SHLD1: variants seen among roughly 807,000 people sequenced by gnomAD.
SHLD1 encodes shieldin complex subunit 1, also known as RINN1-REV7-interacting novel NHEJ regulator 3.
SHLD1 carries 3 observed loss-of-function variants against 5.5 expected under a neutral mutation model. That is an observed-to-expected ratio of 0.54 (90% CI 0.25 to 1.40). The LOEUF is 1.40. Among genes scored for constraint, SHLD1 ranks in the 40% most tolerant of loss-of-function variants. The pLI, the probability that SHLD1 is intolerant of heterozygous loss-of-function variation, is 0.15. For synonymous variants in SHLD1, 92 were observed against 94.3 expected (o/e 0.98, Z 0.14); for missense variants, 210 against 244.4 (o/e 0.86, Z 0.94).
At chr20:5,750,651 G>A (rs1324716220) in intron 1 of SHLD1, among the ~76,000 whole-genome samples, 172 bp downstream of exon 1, 1 of 152,038 alleles carries the variant, frequency 6.6e-6, no homozygotes, top group African/African-American at 2.4e-5. Flanking sequence ...TGCAGCCTGT[G>A]CTTTGGGGAA....
intron 2 of SHLD1, among the ~76,000 whole-genome samples, chr20:5,798,097 G>A (rs979518601): frequency 6.6e-6 from 1 of 152,148 alleles, no homozygotes; most frequent in African/African-American, 2.4e-5. Flanking sequence ...GGCTTGAATG[G>A]TCTGGAATGT....
rs183533078 is a variant in SHLD1, at chr20:5,756,287, A to C, written c.-5+5808A>C. Among the ~76,000 whole-genome samples, 18 of 151,652 alleles carry C rather than the reference A, an allele frequency of 1.2e-4. No homozygotes were observed. In the East Asian group the frequency reaches 3.3e-3, roughly 28 times the overall value. On this transcript the variant is annotated intron_variant, in intron 1 of 2. Transcript: ENST00000303142. The stretch of plus-strand genomic sequence containing the variant: ...GCAATATAGTGAGACCCCCATCTTT[A>C]CAAAAAAAAAAAATTTTTAAGCATT...
intron 2 of SHLD1, among the ~76,000 whole-genome samples, chr20:5,823,854 C>T (rs1474067131): frequency 6.6e-6 from 1 of 152,208 alleles, no homozygotes; most frequent in Admixed American, 6.5e-5. Flanking sequence ...CATCTGTCCC[C>T]ATAGGCCACC....
At chr20:5,828,441 A>G (rs1008822228) in intron 2 of SHLD1, among the ~76,000 whole-genome samples, 5 of 152,234 alleles carry the variant, frequency 3.3e-5, no homozygotes, top group African/African-American at 1.2e-4. Context: ...GGAAGGGCCT[A>G]TGAAGTTCCT....
intron 2 of SHLD1, among the ~76,000 whole-genome samples, chr20:5,778,874 T>C (rs1326580146): frequency 1.3e-5 from 2 of 152,184 alleles, no homozygotes; most frequent in Non-Finnish European, 2.9e-5. Flanking sequence ...CTGTAAACAT[T>C]CCAGAGCTAC....
At chr20:5,816,584 C>A (rs1436827964) in intron 2 of SHLD1, among the ~76,000 whole-genome samples, 1 of 152,100 alleles carries the variant, frequency 6.6e-6, no homozygotes. Context: ...AATCTGAGGA[C>A]CATAGCGAAA....
intron 2 of SHLD1, among the ~76,000 whole-genome samples, chr20:5,801,054 G>T (rs537868247): frequency 2.0e-4 from 30 of 149,896 alleles, no homozygotes; most frequent in African/African-American, 7.1e-4. Flanking sequence ...GTTGTTTAGG[G>T]ACCTAACAGC....
At chr20:5,829,681 C>G (rs969618230) in intron 2 of SHLD1, among the ~76,000 whole-genome samples, 3 of 152,146 alleles carry the variant, frequency 2.0e-5, no homozygotes, top group African/African-American at 7.2e-5. Context: ...TGCATAGAAG[C>G]AATTCAAAGC....
At chr20:5,815,100 G>T (rs975418062) in intron 2 of SHLD1, among the ~76,000 whole-genome samples, 1 of 152,142 alleles carries the variant, frequency 6.6e-6, no homozygotes, top group Non-Finnish European at 1.5e-5. Context: ...CAGCGGCCCT[G>T]GGGGAGAATT....
At chr20:5,766,311 A>G (rs905010471) in intron 1 of SHLD1, among the ~76,000 whole-genome samples, 6 of 152,168 alleles carry the variant, frequency 3.9e-5, no homozygotes, top group African/African-American at 1.2e-4. Flanking sequence ...TGATCACTCC[A>G]TTCCTTTCAA....
intron 2 of SHLD1, among the ~76,000 whole-genome samples, chr20:5,781,643 A>AT (rs147459548): frequency 0.22 from 33,667 of 151,564 alleles, 3,924 homozygotes; most frequent in Non-Finnish European, 0.26. Context: ...CTGCCCAGCT[A>AT]TTTTTTTGTA....
chr20:5,843,114 G>C (rs911130078), intron 2 of SHLD1, among the ~76,000 whole-genome samples: 5 of 151,924 alleles, frequency 3.3e-5, no homozygotes, highest in African/African-American at 1.2e-4. Flanking sequence ...GTTTCTTTTG[G>C]TGTTTGGTTG....
intron 2 of SHLD1, among the ~76,000 whole-genome samples, chr20:5,779,913 AAT>A (rs1985609236): frequency 6.6e-6 from 1 of 152,048 alleles, no homozygotes; most frequent in African/African-American, 2.4e-5. Context: ...TACTGGGTGA[AAT>A]AGAGCCAAGC....
intron 2 of SHLD1, among the ~76,000 whole-genome samples, chr20:5,839,728 T>C (rs1339551234): frequency 7.2e-5 from 11 of 152,220 alleles, no homozygotes; most frequent in Admixed American, 5.2e-4. Flanking sequence ...CCAAACTTTG[T>C]TGATGTAGGA....
chr20:5,795,601 C>CAAAAA (rs56723415), intron 2 of SHLD1, among the ~76,000 whole-genome samples: 16 of 67,088 alleles, frequency 2.4e-4, no homozygotes, highest in African/African-American at 1.0e-3. Flanking sequence ...TCTGGTCTCG[C>CAAAAA]AAAAAAAAAA....
intron 1 of SHLD1, among the ~76,000 whole-genome samples, chr20:5,764,156 A>ATATATATATATATATG (rs1453233954): frequency 2.2e-5 from 1 of 45,840 alleles, no homozygotes; most frequent in Non-Finnish European, 4.3e-5. Context: ...ATATATTTAT[A>ATATATATATATATATG]TTTATATATA....
chr20:5,816,794 G>A (rs771818484), intron 2 of SHLD1, among the ~76,000 whole-genome samples: 4 of 152,168 alleles, frequency 2.6e-5, no homozygotes, highest in Non-Finnish European at 5.9e-5. Context: ...GATAGGCTGG[G>A]CGCAGTAGCT....
At chr20:5,783,707 T>C (rs971326790) in intron 2 of SHLD1, among the ~76,000 whole-genome samples, 1 of 152,138 alleles carries the variant, frequency 6.6e-6, no homozygotes, top group Non-Finnish European at 1.5e-5. Context: ...AAGGTTACAG[T>C]CTCCGAGCTG....
intron 2 of SHLD1, among the ~76,000 whole-genome samples, chr20:5,792,671 C>CT (rs560022381): frequency 8.0e-6 from 1 of 124,924 alleles, no homozygotes; most frequent in East Asian, 2.3e-4. Flanking sequence ...CTGCCGTTTT[C>CT]TTTTTTTTAA....
Sources: gnomAD v4.1 joint callset for allele counts (sites outside exome capture counted in the v4.1 genomes callset) on GRCh38, gnomAD v4.1.1 for gene constraint, MANE v1.5 for transcripts, NCBI Gene and HGNC (gene_info 2026-07-23, HGNC 2026-07-21) for gene names.